Variants in FBXO34 observed in about 807,000 individuals in gnomAD.
FBXO34 encodes F-box only protein 34.
A neutral mutation model predicts 24.5 loss-of-function variants in FBXO34; 12 were observed. The observed-to-expected ratio is 0.49, with a 90% CI of 0.31 to 0.79. The LOEUF (loss-of-function observed/expected upper bound fraction) is 0.79, where lower values mean the gene tolerates loss of function less well. FBXO34 is among the 30% of genes least tolerant of loss of function. The probability of loss-of-function intolerance (pLI) is 0.04; values close to 1 mark genes in which losing one functional copy is unlikely to be tolerated. For missense variants in FBXO34, 823 were observed against 857.7 expected (o/e 0.96, Z 0.51); for synonymous variants, 320 against 311.9 (o/e 1.03, Z -0.27).
the FBXO34 span, among the ~76,000 whole-genome samples, chr14:55,409,394 T>C: frequency 6.6e-6 from 1 of 152,200 alleles, no homozygotes; most frequent in African/African-American, 2.4e-5. Context: ...CTTGCCCTCA[T>C]AGAGTTTATA....
chr14:55,433,500 A>G, the FBXO34 span: 2 of 849,482 alleles, frequency 2.4e-6, no homozygotes, highest in African/African-American at 1.7e-5. Flanking sequence ...GTGGCATTTC[A>G]TTGAATAAAG....
chr14:55,344,007 T>C (rs1271535766), intron 1 of FBXO34, among the ~76,000 whole-genome samples: 1 of 152,238 alleles, frequency 6.6e-6, no homozygotes. Flanking sequence ...ACTGGAATTA[T>C]TGAATGCAGG....
intron 1 of FBXO34, among the ~76,000 whole-genome samples, chr14:55,323,221 A>AT (rs1883217836): frequency 3.3e-5 from 1 of 29,956 alleles, no homozygotes; most frequent in Non-Finnish European, 4.9e-5. Flanking sequence ...AAAAAAAAAT[A>AT]TATATTTTTT....
downstream of FBXO34, among the ~76,000 whole-genome samples, chr14:55,373,465 A>AT (rs969224301): frequency 2.0e-5 from 3 of 151,896 alleles, no homozygotes; most frequent in South Asian, 2.1e-4. Flanking sequence ...TTTATTACTT[A>AT]TTTTTTTATT....
At chr14:55,286,579 G>A (rs970459384) in intron 1 of FBXO34, among the ~76,000 whole-genome samples, 1 of 152,116 alleles carries the variant, frequency 6.6e-6, no homozygotes, top group African/African-American at 2.4e-5. Context: ...GAATAATACA[G>A]ATAACTGTAT....
intron 1 of FBXO34, among the ~76,000 whole-genome samples, chr14:55,293,489 A>G (rs935560921): frequency 2.0e-5 from 3 of 152,212 alleles, no homozygotes; most frequent in Non-Finnish European, 4.4e-5. Flanking sequence ...GGCACTAGGT[A>G]AAGAAACTTT....
intron 1 of FBXO34, among the ~76,000 whole-genome samples, chr14:55,310,090 T>C (rs1479159183): frequency 6.6e-6 from 1 of 152,014 alleles, no homozygotes; most frequent in Non-Finnish European, 1.5e-5. Context: ...AACAAAAAAC[T>C]TGAGTTGCTT....
At chr14:55,402,799 C>T in the FBXO34 span, among the ~76,000 whole-genome samples, 2 of 140,512 alleles carry the variant, frequency 1.4e-5, no homozygotes, top group South Asian at 2.4e-4. Context: ...GTGGCTCACA[C>T]CTGTAATCTC....
intron 1 of FBXO34, chr14:55,272,432 G>A (rs546700717): frequency 1.3e-5 from 2 of 151,786 alleles, no homozygotes; most frequent in Non-Finnish European, 2.9e-5. Context: ...AATGTAAAAA[G>A]CCTTTTAGGA....
chr14:55,389,182 A>T, the FBXO34 span, among the ~76,000 whole-genome samples: 2 of 152,204 alleles, frequency 1.3e-5, no homozygotes, highest in African/African-American at 2.4e-5. Context: ...TGTTAAAAAG[A>T]GCTGATCAGA....
intron 1 of FBXO34, among the ~76,000 whole-genome samples, chr14:55,278,331 G>A (rs1406557641): frequency 1.3e-5 from 2 of 152,058 alleles, no homozygotes; most frequent in East Asian, 3.8e-4. Context: ...CAGTCCAAAG[G>A]GATGGGTATT....
intron 1 of FBXO34, among the ~76,000 whole-genome samples, chr14:55,278,004 G>A (rs1881400720): frequency 6.6e-6 from 1 of 152,100 alleles, no homozygotes; most frequent in African/African-American, 2.4e-5. Context: ...ACACTGCAGA[G>A]CTTGCCTGCC....
At chr14:55,431,512 C>A in the FBXO34 span, among the ~76,000 whole-genome samples, 2 of 152,182 alleles carry the variant, frequency 1.3e-5, no homozygotes, top group African/African-American at 4.8e-5. Context: ...AAATTGAAAC[C>A]CTATTATTAA....
downstream of FBXO34, among the ~76,000 whole-genome samples, chr14:55,358,046 G>A (rs1026193994): frequency 2.8e-5 from 4 of 141,938 alleles, no homozygotes; most frequent in African/African-American, 7.6e-5. Context: ...TTCTGGGACC[G>A]AACTGTTGGC....
At chr14:55,274,694 AT>A (rs1881275559) in intron 1 of FBXO34, among the ~76,000 whole-genome samples, 1 of 152,102 alleles carries the variant, frequency 6.6e-6, no homozygotes, top group Non-Finnish European at 1.5e-5. Flanking sequence ...ATTCTTAAAA[AT>A]TTTTACTTTA....
intron 1 of FBXO34, among the ~76,000 whole-genome samples, chr14:55,296,320 A>G (rs972004876): frequency 6.6e-6 from 1 of 150,654 alleles, no homozygotes; most frequent in African/African-American, 2.4e-5. Flanking sequence ...ATAGCTGGAC[A>G]GGAAGTATAA....
At chr14:55,417,004 T>C in the FBXO34 span, among the ~76,000 whole-genome samples, 1 of 152,150 alleles carries the variant, frequency 6.6e-6, no homozygotes, top group Non-Finnish European at 1.5e-5. Flanking sequence ...ACTAAGAGCA[T>C]TGCATTCAAG....
rs149634400 is a variant in FBXO34, at chr14:55,308,338, T to C, written c.-11+36801T>C. On this transcript the variant is annotated intron_variant, in intron 1 of 1. Transcript: ENST00000313833. ...TGGATAGTTTTAAAGGTATTTAATG[T>C]ATGAAATAAACCAGTATTTGATGAT... 2.8e-3 allele frequency among the ~76,000 whole-genome samples: 421 copies of C among 152,362 alleles called. 3 individuals carry two copies. Among genetic ancestry groups the C allele is most frequent in the African/African-American group, 9.8e-3 (409 of 41,592 alleles).
chr14:55,351,119 A>G lies in FBXO34; in HGVS notation c.729A>G (p.Arg243=), dbSNP rs1884349725. 6.2e-7 allele frequency: 1 copy of G among 1,614,078 alleles called. No individual in the cohort carries two copies. The highest frequency in any genetic ancestry group is 1.3e-5 in the African/African-American group (1 of 74,932). Residue 243 remains arginine (R), a synonymous_variant, in exon 2 of 2, where the codon AGA becomes AGG. Transcript: ENST00000313833. ...PAIVRFSGQS[R]GVPAVSESYS... ...TTGTGAGGTTTTCTGGCCAATCCAG[A>G]GGTGTGCCTGCAGTGTCTGAGTCCT...
Sources: allele counts gnomAD v4.1 joint callset (sites outside exome capture counted in the v4.1 genomes callset), GRCh38; gene constraint gnomAD v4.1.1; transcripts MANE v1.5; gene names NCBI Gene and HGNC (gene_info 2026-07-23, HGNC 2026-07-21).